The following RYR1 variants were observed in gnomAD, a reference collection of about 807,000 sequenced individuals.
RYR1 encodes the protein ryanodine receptor 1.
Under a neutral mutation model 583.5 loss-of-function variants are expected in RYR1, and 342 were observed. The ratio of observed to expected loss-of-function variants is 0.59; its 90% CI spans 0.54 to 0.64. RYR1 has a LOEUF of 0.64. Ranked by LOEUF, RYR1 falls within the 30% of genes least tolerant of loss-of-function variation. The pLI is 0.00. For missense variants in RYR1, 6,032 were observed against 6,917.2 expected (o/e 0.87, Z 4.54); for synonymous variants, 2,791 against 2,822.5 (o/e 0.99, Z 0.35).
Position 38,504,273 on chromosome 19 carries a change from C to A in RYR1, c.7980C>A (p.Gly2660=). The part of the protein sequence containing the change: ...RCWKYYCLPT[G]WANFGVTSEE... ...GGAAGTACTACTGCCTACCCACGGGCTGGGCCAACTTCGGGGTCACCTCAG... is the reference window on the plus strand; with the variant it reads ...GGAAGTACTACTGCCTACCCACGGGATGGGCCAACTTCGGGGTCACCTCAG... Residue 2660 remains glycine, a synonymous_variant, in exon 50 of 106, where the codon GGC becomes GGA. Transcript: ENST00000359596. 1.2e-6 allele frequency: 2 copies of A among 1,614,150 alleles called. No homozygotes were observed. Among genetic ancestry groups the A allele is most frequent in the African/African-American group, 2.7e-5 (2 of 75,042 alleles).
Position 38,500,792 on chromosome 19 carries a change from A to T in RYR1, c.7445-29A>T. 6.2e-7 allele frequency: 1 copy of T among 1,613,978 alleles called. No homozygotes were observed. The highest frequency in any genetic ancestry group is 8.5e-7 in the Non-Finnish European group (1 of 1,179,996). On this transcript the variant is annotated intron_variant, in intron 46 of 105. Transcript: ENST00000359596. This position sits in a 1 kb window ranked among gnomAD's most constrained non-coding sequence, Gnocchi z 5.9. ...GAGGGAGCGGCTGGGTCCGCAGGGC[A>T]TCCCCGAACCCACCCTCCCTGCCTG...
In RYR1 at chr19:38,485,634, G is replaced by A. The variant is rs200625526; in HGVS notation, c.4979G>A (p.Arg1660His). Residue 1660 changes from arginine to histidine, a missense_variant, in exon 34 of 106, where the codon CGC becomes CAC. By Grantham distance (29) the Arg-to-His change is conservative. Transcript: ENST00000359596. ...CTGTCGGAGCGCCTGGACCTGCAGCGCTTCCACTCGCACACCCTGCGCCTC... is the reference window on the plus strand; with the variant it reads ...CTGTCGGAGCGCCTGGACCTGCAGCACTTCCACTCGCACACCCTGCGCCTC... Reference protein sequence around the residue: ...LELSERLDLQRFHSHTLRLYR... With the variant: ...LELSERLDLQHFHSHTLRLYR... The A allele has an allele frequency of 3.7e-6, 6 of 1,608,484 alleles. No homozygotes were observed. The Admixed American group carries it at 5.0e-5, about 13-fold the overall frequency.
chr19:38,528,056 TTGGG>T (rs1156487511), intron 73 of RYR1: 6 of 621,120 alleles, frequency 9.7e-6, no homozygotes, highest in Middle Eastern at 8.6e-4. Flanking sequence ...GGGCAGGGCC[TTGGG>T]TGGGTCGTAG....
chr19:38,518,750 G>A (rs1294157903), intron 66 of RYR1, among the ~76,000 whole-genome samples: 3 of 152,098 alleles, frequency 2.0e-5, no homozygotes, highest in African/African-American at 7.2e-5. Flanking sequence ...CCAACATGGT[G>A]AAACCCCATC....
intron 81 of RYR1, chr19:38,535,699 CT>C: frequency 1.7e-6 from 1 of 590,948 alleles, no homozygotes; most frequent in South Asian, 2.0e-5. Flanking sequence ...TAATCTGCCT[CT>C]ACTGTTGTCT....
Position 38,444,133 on chromosome 19 carries a change from C to A in RYR1, c.425-16C>A, listed in dbSNP as rs1435535859. 2 of 1,605,474 alleles carry A rather than the reference C, an allele frequency of 1.2e-6. No homozygotes were observed. Among genetic ancestry groups the A allele is most frequent in the African/African-American group, 1.3e-5 (1 of 74,724 alleles). On this transcript the variant is annotated splice_polypyrimidine_tract_variant and intron_variant, in intron 5 of 105. Coordinates refer to ENST00000359596, the MANE Select transcript of RYR1 (RefSeq NM_000540.3). This position sits in a 1 kb window ranked among gnomAD's most constrained non-coding sequence, Gnocchi z 5.1. ...CCATCATCTGACAGCCACCCCCATT[C>A]CATCCCCACCCATAGGAGAGGCTTG...
Position 38,451,893 on chromosome 19 carries a change from A to T in RYR1, c.1244+8A>T, listed in dbSNP as rs768130668. The T allele has an allele frequency of 2.5e-6, 4 of 1,614,070 alleles. No individual in the cohort carries two copies. Among genetic ancestry groups the T allele is most frequent in the Non-Finnish European group, 3.4e-6 (4 of 1,179,974 alleles). On this transcript the variant is annotated splice_region_variant and intron_variant, in intron 12 of 105. Coordinates refer to ENST00000359596, the MANE Select transcript of RYR1 (RefSeq NM_000540.3). ...ATACAACCAGTTCATCAAGTGAGCA[A>T]CCTGCCCTCCCTGCTGGGGTGACTC... is the stretch of plus-strand genomic sequence containing the variant.
chr19:38,581,428 T>C (rs1974203110), intron 101 of RYR1, among the ~76,000 whole-genome samples: 1 of 151,880 alleles, frequency 6.6e-6, no homozygotes, highest in African/African-American at 2.4e-5. Context: ...GCCAGGATGG[T>C]CTCCATCTCT....
rs375980870 is a variant in RYR1 at position 38,496,812 on chromosome 19, G to A, written c.6797-48G>A. 2.4e-3 allele frequency: 3,779 copies of A among 1,557,662 alleles called. 24 individuals carry two copies. Among genetic ancestry groups the A allele is most frequent in the South Asian group, 9.4e-3 (845 of 89,598 alleles). ...GGTCAGGGAGGGCTTCCCAGAGGAG[G>A]CGAGACAAGCAGGAGTGAGATGTTC... is the stretch of plus-strand genomic sequence containing the variant. On this transcript the variant is annotated intron_variant, in intron 41 of 105. Transcript: ENST00000359596. The surrounding 1 kb of genome is among the most constrained non-coding windows in gnomAD (Gnocchi z 4.8).
intron 1 of RYR1, among the ~76,000 whole-genome samples, chr19:38,434,769 G>A (rs935313595): frequency 2.0e-5 from 3 of 152,216 alleles, no homozygotes; most frequent in Non-Finnish European, 2.9e-5. Flanking sequence ...GTGTGGGGTC[G>A]TAAATATGGG....
In RYR1 at chr19:38,483,564, T is replaced by C. The variant is rs1969125723; in HGVS notation, c.4934+48T>C. The C allele has an allele frequency of 1.3e-6, 2 of 1,485,210 alleles. No homozygotes were observed. The highest frequency in any genetic ancestry group is 1.8e-6 in the Non-Finnish European group (2 of 1,101,576). 92.0% of individuals were successfully genotyped at this position (1,485,210 alleles called of 1,614,324 possible). A position where few individuals can be genotyped will look rare whatever the true frequency, so the allele number is the denominator to read the frequency against. On this transcript the variant is annotated intron_variant, in intron 33 of 105. Transcript: ENST00000359596. This position sits in a 1 kb window ranked among gnomAD's most constrained non-coding sequence, Gnocchi z 6.3. ...AGGGGTGGGCAGGTGTTGCAAGCCC[T>C]CTGGGGTCTGGGTCCCACTCAGTGC... is the stretch of plus-strand genomic sequence containing the variant.
Position 38,444,486 on chromosome 19 carries a change from G to A in RYR1, c.538-98G>A, listed in dbSNP as rs1177017842. 3 of 1,069,162 alleles carry A rather than the reference G, an allele frequency of 2.8e-6. No individual in the cohort carries two copies. The highest frequency in any genetic ancestry group is 1.3e-5 in the South Asian group (1 of 74,926). The allele number at this position is 1,069,162 out of a possible 1,614,324, so 66.2% of individuals were successfully genotyped here. The stretch of plus-strand genomic sequence containing the variant: ...CTGATGACTCTGTCTCCCATCTGCC[G>A]GTTTCCGGGTATCCACCCTTGATTT... On this transcript the variant is annotated intron_variant, in intron 6 of 105. Coordinates refer to ENST00000359596, the MANE Select transcript of RYR1 (RefSeq NM_000540.3). This position sits in a 1 kb window ranked among gnomAD's most constrained non-coding sequence, Gnocchi z 5.1.
At chr19:38,554,872 T>G (rs1260536668) in intron 89 of RYR1, among the ~76,000 whole-genome samples, 1 of 152,190 alleles carries the variant, frequency 6.6e-6, no homozygotes, top group Non-Finnish European at 1.5e-5. Flanking sequence ...GTCTCTTAAT[T>G]AAAACACTTC....
At chr19:38,438,133 C>T (rs1179309166) in intron 1 of RYR1, among the ~76,000 whole-genome samples, 2 of 151,890 alleles carry the variant, frequency 1.3e-5, no homozygotes, top group Non-Finnish European at 2.9e-5. Flanking sequence ...CCCAGACTCC[C>T]TCCTCTTACC....
intron 82 of RYR1, 47 bp from the exon 83 acceptor site, chr19:38,536,703 T>G: frequency 6.2e-7 from 1 of 1,612,802 alleles, no homozygotes; most frequent in Middle Eastern, 1.6e-4. Flanking sequence ...CCTCTCTTTT[T>G]CTCTCTTTTC....
At position 38,477,883 on chromosome 19, in the gene RYR1, G is replaced by T. The variant is rs1035456616; in HGVS notation, c.4454+13G>T. 1.9e-6 allele frequency: 3 copies of T among 1,607,726 alleles called. No individual in the cohort carries two copies. Among genetic ancestry groups the T allele is most frequent in the South Asian group, 2.2e-5 (2 of 90,840 alleles). The stretch of plus-strand genomic sequence containing the variant: ...ACGTCCACAGCAGGTGCCGGGGCTG[G>T]GGGGAGGTGGGAGGTGCAGGGTGGG... On this transcript the variant is annotated intron_variant, in intron 30 of 105. Transcript: ENST00000359596.
Position 38,469,074 on chromosome 19 carries a change from A to C in RYR1, c.3490A>C (p.Asn1164His). The change falls in exon 26 of 106, where the codon AAT (asparagine) becomes CAT (histidine). Residue 1164 changes from asparagine to histidine, a missense_variant. By Grantham distance (68) the Asn-to-His change is moderately conservative (BLOSUM62 1). Transcript: ENST00000359596. ...LTENTIIFTL[N>H]GEVLMSDSGS... is the part of the protein sequence containing the mutation. Reference sequence around the variant, plus strand: ...AGAGAACACCATTATCTTCACCCTCAATGGCGAGGTCCTCATGTCTGACTC... The same window carrying C: ...AGAGAACACCATTATCTTCACCCTCCATGGCGAGGTCCTCATGTCTGACTC... The C allele has an allele frequency of 6.2e-7, 1 of 1,614,018 alleles. No homozygotes were observed. Among genetic ancestry groups the C allele is most frequent in the East Asian group, 2.2e-5 (1 of 44,866 alleles).
chr19:38,583,947 C>T (rs541280835), intron 101 of RYR1, among the ~76,000 whole-genome samples: 1 of 152,170 alleles, frequency 6.6e-6, no homozygotes, highest in Non-Finnish European at 1.5e-5. Context: ...CAGCCTCACC[C>T]AACCATTTTC....
At chr19:38,506,199 G>A (rs1325436862) in intron 54 of RYR1, 104 bp from the exon 55 acceptor site, 1 of 1,233,094 alleles carries the variant, frequency 8.1e-7, no homozygotes, top group Non-Finnish European at 1.2e-6. Context: ...TGAGCCAGGG[G>A]AGGGTGGAGG....
Sources: gnomAD v4.1 joint callset for allele counts (sites outside exome capture counted in the v4.1 genomes callset) on GRCh38, gnomAD v4.1.1 for gene constraint, Gnocchi (gnomAD v3.1) non-coding constraint, MANE v1.5 for transcripts, NCBI Gene and HGNC (gene_info 2026-07-23, HGNC 2026-07-21) for gene names.